The following TMEM178B variants were observed in gnomAD, a reference collection of about 807,000 sequenced individuals.
The protein encoded by TMEM178B is transmembrane protein 178B.
A neutral mutation model predicts 31.0 loss-of-function variants in TMEM178B; 5 were observed. That is an observed-to-expected ratio of 0.16 (90% CI 0.08 to 0.34). The LOEUF is 0.34. Among genes scored for constraint, TMEM178B ranks in the 10% least tolerant of loss-of-function variants. The pLI is 1.00. For synonymous variants in TMEM178B, 164 were observed against 164.0 expected, an observed-to-expected ratio of 1.00 and a Z score of 0.00; for missense variants, 275 against 400.3, an observed-to-expected ratio of 0.69 and a Z score of 2.67.
the TMEM178B span, among the ~76,000 whole-genome samples, chr7:141,491,686 G>T: frequency 3.9e-5 from 6 of 152,210 alleles, no homozygotes; most frequent in East Asian, 9.7e-4. Flanking sequence ...TAGGTAATTT[G>T]CCAAGGTCAC....
intron 2 of TMEM178B, among the ~76,000 whole-genome samples, chr7:141,215,087 T>C (rs1797109716): frequency 6.6e-6 from 1 of 152,106 alleles, no homozygotes; most frequent in African/African-American, 2.4e-5. Flanking sequence ...AGGGGAAGCA[T>C]AGGAAGTGTC....
chr7:141,220,227 T>C (rs6975087), intron 2 of TMEM178B, among the ~76,000 whole-genome samples: 85,169 of 151,168 alleles, frequency 0.56, 25,824 homozygotes, highest in East Asian at 0.8. Flanking sequence ...GCAGGAGAAT[T>C]GCTTGAACCT....
intron 2 of TMEM178B, among the ~76,000 whole-genome samples, chr7:141,359,922 G>A (rs534739786): frequency 9.2e-5 from 14 of 152,248 alleles, no homozygotes; most frequent in African/African-American, 2.6e-4. Context: ...GCAACAGAGC[G>A]AAAGGGGTTT....
chr7:141,332,105 G>A (rs1376456548), intron 2 of TMEM178B, among the ~76,000 whole-genome samples: 1 of 152,150 alleles, frequency 6.6e-6, no homozygotes, highest in Non-Finnish European at 1.5e-5. Context: ...GTCATTCGAA[G>A]TCAGTCTAAC....
intron 2 of TMEM178B, among the ~76,000 whole-genome samples, chr7:141,228,430 G>A (rs35172096): frequency 0.037 from 5,657 of 151,754 alleles, 185 homozygotes; most frequent in East Asian, 0.12. Context: ...GGGTCATGAA[G>A]GGGGAAAAAA....
intron 1 of TMEM178B, among the ~76,000 whole-genome samples, chr7:141,091,341 ACTGT>A (rs1446110472): frequency 1.3e-5 from 2 of 152,190 alleles, no homozygotes; most frequent in East Asian, 3.8e-4. Flanking sequence ...TCACTGGAAA[ACTGT>A]CTCTTGTTAT....
chr7:141,442,402 C>T (rs1801677667), intron 3 of TMEM178B, among the ~76,000 whole-genome samples: 1 of 152,180 alleles, frequency 6.6e-6, no homozygotes. Flanking sequence ...TTACTTAAAA[C>T]CATAAATCAG....
At chr7:141,403,180 C>T (rs539330317) in intron 2 of TMEM178B, among the ~76,000 whole-genome samples, 75 of 152,242 alleles carry the variant, frequency 4.9e-4, no homozygotes, top group Non-Finnish European at 9.7e-4. Context: ...ACAGGCTCTC[C>T]GGAGAGGTCA....
At chr7:141,347,358 G>A (rs1403203034) in intron 2 of TMEM178B, among the ~76,000 whole-genome samples, 4 of 152,088 alleles carry the variant, frequency 2.6e-5, no homozygotes, top group Non-Finnish European at 4.4e-5. Flanking sequence ...TAAAGTTAGG[G>A]TGTAAGATCA....
At chr7:141,280,459 A>G (rs1002725971) in intron 2 of TMEM178B, among the ~76,000 whole-genome samples, 1 of 152,136 alleles carries the variant, frequency 6.6e-6, no homozygotes, top group African/African-American at 2.4e-5. Context: ...TGATCATTCT[A>G]TAAGGGGAAA....
At chr7:141,151,999 C>T (rs138269800) in intron 1 of TMEM178B, among the ~76,000 whole-genome samples, 18 of 152,314 alleles carry the variant, frequency 1.2e-4, no homozygotes, top group African/African-American at 4.1e-4. Context: ...CTAAGATCCA[C>T]AGAGGACTTC....
At chr7:141,162,564 A>C (rs1454293805) in intron 1 of TMEM178B, among the ~76,000 whole-genome samples, 2 of 152,234 alleles carry the variant, frequency 1.3e-5, no homozygotes, top group Non-Finnish European at 2.9e-5. Context: ...CCATTATAGG[A>C]TGTTGACATC....
intron 2 of TMEM178B, among the ~76,000 whole-genome samples, chr7:141,335,546 AC>A (rs972719732): frequency 6.6e-6 from 1 of 152,148 alleles, no homozygotes; most frequent in African/African-American, 2.4e-5. Context: ...TGAGAGGACC[AC>A]CCAAATTCCC....
At chr7:141,193,815 C>T (rs1050125494) in intron 1 of TMEM178B, among the ~76,000 whole-genome samples, 2 of 152,234 alleles carry the variant, frequency 1.3e-5, no homozygotes, top group African/African-American at 2.4e-5. Flanking sequence ...CCCTGCAGGA[C>T]CCTGCCCAGT....
chr7:141,314,208 T>C (rs1282058591), intron 2 of TMEM178B, among the ~76,000 whole-genome samples: 1 of 152,188 alleles, frequency 6.6e-6, no homozygotes, highest in African/African-American at 2.4e-5. Flanking sequence ...GGAATCAGTA[T>C]TGCAGGGAAG....
At chr7:141,233,855 G>A (rs1354989886) in intron 2 of TMEM178B, among the ~76,000 whole-genome samples, 1 of 152,206 alleles carries the variant, frequency 6.6e-6, no homozygotes, top group Non-Finnish European at 1.5e-5. Context: ...GGGCAGAATT[G>A]TCAAACAGTG....
the TMEM178B span, among the ~76,000 whole-genome samples, chr7:141,498,197 C>T: frequency 6.6e-6 from 1 of 152,170 alleles, no homozygotes; most frequent in African/African-American, 2.4e-5. Flanking sequence ...TGTTTGACAC[C>T]TCATGGAAAC....
chr7:141,227,162 C>T (rs1193641964), intron 2 of TMEM178B, among the ~76,000 whole-genome samples: 1 of 152,226 alleles, frequency 6.6e-6, no homozygotes, highest in Non-Finnish European at 1.5e-5. Context: ...CTCAGGACGG[C>T]AGAGGCCGGG....
intron 2 of TMEM178B, among the ~76,000 whole-genome samples, chr7:141,257,747 TTTTA>T (rs1291837999): frequency 6.6e-6 from 1 of 151,950 alleles, no homozygotes; most frequent in African/African-American, 2.4e-5. Flanking sequence ...ATTTTTAAAT[TTTTA>T]TTTATTTATT....
Sources: allele counts gnomAD v4.1 joint callset (sites outside exome capture counted in the v4.1 genomes callset), GRCh38; gene constraint gnomAD v4.1.1; transcripts MANE v1.5; gene names NCBI Gene and HGNC (gene_info 2026-07-23, HGNC 2026-07-21).